PHF14: variants seen among roughly 807,000 people sequenced by gnomAD.
PHF14 encodes PHD finger protein 14.
Under a neutral mutation model 117.9 loss-of-function variants are expected in PHF14, and 55 were observed. That is an observed-to-expected ratio of 0.47 (90% CI 0.38 to 0.58). The LOEUF is 0.58. Among genes scored for constraint, PHF14 ranks in the 20% least tolerant of loss-of-function variants. The pLI is 0.00. For missense variants in PHF14, 978 were observed against 1,122.2 expected, an observed-to-expected ratio of 0.87 and a Z score of 1.84; for synonymous variants, 409 against 368.6, an observed-to-expected ratio of 1.11 and a Z score of -1.26.
intron 4 of PHF14, among the ~76,000 whole-genome samples, chr7:11,005,795 T>C (rs868763264): frequency 1.1e-3 from 163 of 143,840 alleles, no homozygotes; most frequent in Non-Finnish European, 1.7e-3. Context: ...TTCTTTTTTT[T>C]TTTTTTTTTT....
chr7:11,167,345 CTGT>C (rs1483945178), intron 17 of PHF14, among the ~76,000 whole-genome samples: 1 of 152,130 alleles, frequency 6.6e-6, no homozygotes, highest in African/African-American at 2.4e-5. Context: ...TTTATTTTCA[CTGT>C]TGTTATATAG....
At chr7:11,009,539 A>G (rs1783262656) in intron 4 of PHF14, among the ~76,000 whole-genome samples, 1 of 152,214 alleles carries the variant, frequency 6.6e-6, no homozygotes. Context: ...CATATGAAAA[A>G]GAAAATATGT....
intron 17 of PHF14, among the ~76,000 whole-genome samples, chr7:11,168,465 A>G (rs1277032034): frequency 2.6e-5 from 4 of 152,242 alleles, no homozygotes; most frequent in Non-Finnish European, 5.9e-5. Context: ...CACAAAGTAG[A>G]GTTCAACAAT....
At chr7:11,087,257 T>C (rs1422806254) in intron 16 of PHF14, among the ~76,000 whole-genome samples, 1 of 151,822 alleles carries the variant, frequency 6.6e-6, no homozygotes, top group Non-Finnish European at 1.5e-5. Flanking sequence ...AATGGCACGA[T>C]CTTGGCTCAC....
chr7:11,096,171 T>TA (rs1786854207), intron 16 of PHF14, among the ~76,000 whole-genome samples: 1 of 152,202 alleles, frequency 6.6e-6, no homozygotes, highest in African/African-American at 2.4e-5. Context: ...TCTGAGTATA[T>TA]GCATGCATGG....
intron 16 of PHF14, among the ~76,000 whole-genome samples, chr7:11,080,512 T>G (rs1260516308): frequency 6.6e-6 from 1 of 152,174 alleles, no homozygotes; most frequent in African/African-American, 2.4e-5. Context: ...CAGTAGATTT[T>G]ATTGCTCTTT....
At position 10,982,774 on chromosome 7, in the gene PHF14, C is replaced by G. The variant is rs1782086792; in HGVS notation, c.515C>G (p.Ala172Gly). The change falls in exon 3 of 18, where the codon GCT (alanine) becomes GGT (glycine). Residue 172 changes from alanine to glycine, a missense_variant. Physicochemically the swap from Ala to Gly is moderately conservative, Grantham distance 60. Around this residue, in one of 7 missense-constraint regions of PHF14, gnomAD observed 414 missense variants for 376.4 expected, o/e 1.10. Coordinates refer to ENST00000634607, the MANE Select transcript of PHF14 (RefSeq NM_001007157.2). ...CCTTCTGTTCCCACTACGACAACCG[C>G]TACAGAGGAACAAGTCAGCGAGCCA... The part of the protein sequence containing the change: ...TSPSVPTTTT[A>G]TEEQVSEPKK... The G allele has an allele frequency of 1.9e-6, 3 of 1,613,934 alleles. No homozygotes were observed. Among genetic ancestry groups the G allele is most frequent in the Non-Finnish European group, 2.5e-6 (3 of 1,179,862 alleles).
chr7:11,093,719 C>T (rs1786735577), intron 16 of PHF14, among the ~76,000 whole-genome samples: 1 of 152,188 alleles, frequency 6.6e-6, no homozygotes, highest in Admixed American at 6.5e-5. Flanking sequence ...CAGCCTTCAG[C>T]CTCCAAAGAA....
chr7:11,038,768 A>G lies in PHF14; in HGVS notation c.1989A>G (p.Glu663=), dbSNP rs763915970. ...TTTGGCTTACTTTGTAGCTATGTGAATCTTTAGAAGAACTACAAAACCTGA... is the reference window on the plus strand; with the variant it reads ...TTTGGCTTACTTTGTAGCTATGTGAGTCTTTAGAAGAACTACAAAACCTGA... ...KLHVEYNKLC[E]SLEELQNLNG... Residue 663 remains glutamate (E), a synonymous_variant, in exon 11 of 18, where the codon GAA becomes GAG. Transcript: ENST00000634607. The G allele has an allele frequency of 8.4e-6, 13 of 1,546,354 alleles. No individual in the cohort carries two copies. Among genetic ancestry groups the G allele is most frequent in the Non-Finnish European group, 1.1e-5 (12 of 1,129,248 alleles).
intron 7 of PHF14, among the ~76,000 whole-genome samples, chr7:11,033,590 G>A (rs1005623928): frequency 6.6e-6 from 1 of 152,150 alleles, no homozygotes; most frequent in Admixed American, 6.6e-5. Flanking sequence ...ACTCATAGGG[G>A]TCTAGTACTA....
Position 11,134,751 on chromosome 7 carries a change from T to C in PHF14, c.2772+23284T>C, listed in dbSNP as rs575031347. On this transcript the variant is annotated intron_variant, in intron 17 of 17. Coordinates refer to ENST00000634607, the MANE Select transcript of PHF14 (RefSeq NM_001007157.2). ...ATTATCGTAATCTTGTCATTAAATC[T>C]GTTCAGTACTTAAAAACAAGTTTAG... Among the ~76,000 whole-genome samples, 38 of 152,216 alleles carry C rather than the reference T, an allele frequency of 2.5e-4. 1 individual carries two copies. The highest frequency in any genetic ancestry group is 9.1e-4 in the African/African-American group (38 of 41,564).
At chr7:11,027,744 G>C (rs1323151592) in intron 6 of PHF14, among the ~76,000 whole-genome samples, 1 of 151,988 alleles carries the variant, frequency 6.6e-6, no homozygotes, top group Non-Finnish European at 1.5e-5. Context: ...ATGATTTCTA[G>C]GTTGTAATGC....
chr7:10,991,384 G>C (rs1053560715), intron 4 of PHF14, among the ~76,000 whole-genome samples: 1 of 151,968 alleles, frequency 6.6e-6, no homozygotes, highest in Non-Finnish European at 1.5e-5. Context: ...CACCATATTG[G>C]TCAGGCTGGT....
At chr7:11,143,980 C>T (rs756236006) in intron 17 of PHF14, among the ~76,000 whole-genome samples, 3 of 151,992 alleles carry the variant, frequency 2.0e-5, no homozygotes, top group African/African-American at 4.8e-5. Flanking sequence ...AGTATTCACC[C>T]AGTAAGTGCT....
chr7:11,072,511 A>G (rs58735396), intron 16 of PHF14, among the ~76,000 whole-genome samples: 26 of 152,172 alleles, frequency 1.7e-4, no homozygotes, highest in Non-Finnish European at 2.9e-4. Context: ...TACCTTCATT[A>G]TCTATAAAAT....
At chr7:11,018,164 G>A (rs907174923) in intron 5 of PHF14, among the ~76,000 whole-genome samples, 44 of 151,934 alleles carry the variant, frequency 2.9e-4, no homozygotes, top group African/African-American at 9.9e-4. Flanking sequence ...GCTACTGTAG[G>A]TTTGTGGTAT....
chr7:11,115,171 T>C (rs1377503793), intron 17 of PHF14, among the ~76,000 whole-genome samples: 1 of 152,056 alleles, frequency 6.6e-6, no homozygotes, highest in Non-Finnish European at 1.5e-5. Context: ...TCCAGTCTGC[T>C]CTTTGCTCCT....
chr7:10,974,249 C>T lies in PHF14; in HGVS notation c.-75C>T. On this transcript the variant is annotated 5_prime_UTR_variant, in exon 1 of 18. Coordinates refer to ENST00000634607, the MANE Select transcript of PHF14 (RefSeq NM_001007157.2). Reference sequence around the variant, plus strand: ...CGGACTTGTCTTCGCGGCCCCAGTCCCCGACCTCGGCGCTGCCTGGGCTCC... The same window carrying T: ...CGGACTTGTCTTCGCGGCCCCAGTCTCCGACCTCGGCGCTGCCTGGGCTCC... 3.7e-6 allele frequency: 5 copies of T among 1,345,694 alleles called. No homozygotes were observed. The highest frequency in any genetic ancestry group is 3.1e-6 in the Non-Finnish European group (3 of 960,150). 83.4% of individuals were successfully genotyped at this position (1,345,694 alleles called of 1,614,324 possible). A position where few individuals can be genotyped will look rare whatever the true frequency, so the allele number is the denominator to read the frequency against.
At chr7:11,012,074 A>T (rs1783375662) in intron 4 of PHF14, among the ~76,000 whole-genome samples, 1 of 152,180 alleles carries the variant, frequency 6.6e-6, no homozygotes, top group Non-Finnish European at 1.5e-5. Context: ...GGTTTCTAAG[A>T]TACCGGCAGC....
Sources: allele counts gnomAD v4.1 joint callset (sites outside exome capture counted in the v4.1 genomes callset), GRCh38; gene constraint gnomAD v4.1.1; regional missense constraint gnomAD v4.1.1; transcripts MANE v1.5; gene names NCBI Gene and HGNC (gene_info 2026-07-23, HGNC 2026-07-21).